The following PADI6 variants were observed in gnomAD, a reference collection of about 807,000 sequenced individuals.
PADI6 encodes peptidyl arginine deiminase 6.
PADI6 carries 66 observed loss-of-function variants against 78.2 expected under a neutral mutation model. The observed-to-expected ratio is 0.84, with a 90% CI of 0.69 to 1.04. PADI6 has a LOEUF of 1.04. Among genes scored for constraint, PADI6 ranks in the 50% least tolerant of loss-of-function variants. PADI6 has a pLI of 0.00. For missense variants in PADI6, 854 were observed against 866.1 expected (o/e 0.99, Z 0.18); for synonymous variants, 397 against 346.9 (o/e 1.14, Z -1.60).
intron 3 of PADI6, among the ~76,000 whole-genome samples, chr1:17,376,045 G>A (rs2075013025): frequency 6.6e-6 from 1 of 151,816 alleles, no homozygotes; most frequent in South Asian, 2.1e-4. Flanking sequence ...CATGATCTCG[G>A]CTCACTGTAA....
Position 17,394,385 on chromosome 1 carries a change from C to T in PADI6, c.1268C>T (p.Pro423Leu). 1 of 1,613,762 alleles carries T rather than the reference C, an allele frequency of 6.2e-7. No individual in the cohort carries two copies. The highest frequency in any genetic ancestry group is 8.5e-7 in the Non-Finnish European group (1 of 1,179,812). Residue 423 changes from proline (P) to leucine (L), a missense_variant, in exon 11 of 16, where the codon CCA becomes CTA. Coordinates refer to ENST00000619609, the MANE Select transcript of PADI6 (RefSeq NM_207421.4). ...MDSIGNLMVS[P>L]PVKVQGKEYP... ...TCCATTGGGAACCTGATGGTGTCCC[C>T]ACCTGTCAAGGTCCAAGGGAAAGAG... is the stretch of plus-strand genomic sequence containing the variant.
At chr1:17,376,039 AT>A (rs2075012976) in intron 3 of PADI6, among the ~76,000 whole-genome samples, 2 of 151,346 alleles carry the variant, frequency 1.3e-5, no homozygotes, top group Non-Finnish European at 2.9e-5. Flanking sequence ...CAGTGGCATG[AT>A]CTCGGCTCAC....
At position 17,397,100 on chromosome 1, in the gene PADI6, C is replaced by T; in HGVS notation, c.1648C>T (p.Leu550=). The change falls in exon 14 of 16, where the codon CTG becomes TTG. Residue 550 remains leucine (L), a synonymous_variant. Transcript: ENST00000619609. ...GREAKTIDQL[L]ADESLKKQNE... Reference sequence around the variant, plus strand: ...GGAAGCCAAAACCATCGACCAACTTCTGGCTGATGAAAGCCTGAAGAAGCA... The same window carrying T: ...GGAAGCCAAAACCATCGACCAACTTTTGGCTGATGAAAGCCTGAAGAAGCA... The T allele has an allele frequency of 6.2e-7, 1 of 1,613,956 alleles. No homozygotes were observed. The highest frequency in any genetic ancestry group is 8.5e-7 in the Non-Finnish European group (1 of 1,179,884).
rs377484719 is a variant in PADI6 at position 17,398,752 on chromosome 1, G to A, written c.1756G>A (p.Glu586Lys). ...ELGLVEQDII[E>K]IPQLFCLEKL... ...GGGCCTGGTGGAACAGGACATCATC[G>A]AGATTCCCCAGCTGTTCTGCTTGGA... Residue 586 changes from glutamate (E) to lysine (K), a missense_variant, in exon 15 of 16, where the codon GAG becomes AAG. By Grantham distance (56) the Glu-to-Lys change is moderately conservative. Transcript: ENST00000619609. 15 of 1,606,220 alleles carry A rather than the reference G, an allele frequency of 9.3e-6. No homozygotes were observed. The highest frequency in any genetic ancestry group is 2.2e-5 in the East Asian group (1 of 44,550).
chr1:17,373,660 T>C (rs1027747472), intron 2 of PADI6, among the ~76,000 whole-genome samples: 1 of 151,856 alleles, frequency 6.6e-6, no homozygotes, highest in African/African-American at 2.4e-5. Context: ...CCCGGCTAAT[T>C]TTGTATTTTT....
rs188669403 is a variant in PADI6 at position 17,381,884 on chromosome 1, G to C, written c.554-83G>C. 8 of 1,532,642 alleles carry C rather than the reference G, an allele frequency of 5.2e-6. No individual in the cohort carries two copies. The East Asian group carries it at 1.8e-4, about 35-fold the overall frequency. The allele number at this position is 1,532,642 out of a possible 1,614,324, so 94.9% of individuals were successfully genotyped here. A position where few individuals can be genotyped will look rare whatever the true frequency, so the allele number is the denominator to read the frequency against. Reference sequence around the variant, plus strand: ...TCCTTGGTGCTCTGTTCAAACTCCCGGCCCCTCTCTACTGCTCTTCCCTCC... The same window carrying C: ...TCCTTGGTGCTCTGTTCAAACTCCCCGCCCCTCTCTACTGCTCTTCCCTCC... On this transcript the variant is annotated intron_variant, in intron 5 of 15. Coordinates refer to ENST00000619609, the MANE Select transcript of PADI6 (RefSeq NM_207421.4).
intron 13 of PADI6, among the ~76,000 whole-genome samples, 195 bp downstream of exon 13, chr1:17,395,858 G>A (rs1361136878): frequency 6.6e-6 from 1 of 152,312 alleles, no homozygotes; most frequent in African/African-American, 2.4e-5. Flanking sequence ...AGATGTTCTG[G>A]GATGGCCTGG....
At chr1:17,389,232 C>T (rs2075158237) in intron 8 of PADI6, among the ~76,000 whole-genome samples, 1 of 152,152 alleles carries the variant, frequency 6.6e-6, no homozygotes, top group African/African-American at 2.4e-5. Flanking sequence ...AGGTGTGAGC[C>T]CAGGAAGGGG....
chr1:17,385,888 G>A (rs748006805), intron 6 of PADI6, among the ~76,000 whole-genome samples: 8 of 152,182 alleles, frequency 5.3e-5, no homozygotes, highest in African/African-American at 1.2e-4. Flanking sequence ...GTACATGGCA[G>A]GTAGGAAAAA....
intron 10 of PADI6, 103 bp downstream of exon 10, chr1:17,394,185 C>T: frequency 6.6e-7 from 1 of 1,503,768 alleles, no homozygotes; most frequent in South Asian, 1.2e-5. Flanking sequence ...CCCAGGTGGC[C>T]TCTGAGGGGG....
intron 13 of PADI6, among the ~76,000 whole-genome samples, chr1:17,396,724 CAGAA>C (rs1390196578): frequency 1.3e-5 from 2 of 152,202 alleles, no homozygotes; most frequent in African/African-American, 4.8e-5. Context: ...GGGTCACAGG[CAGAA>C]AGTGCCAGGT....
intron 2 of PADI6, 104 bp downstream of exon 2, chr1:17,373,337 C>T (rs988747711): frequency 3.0e-5 from 41 of 1,350,974 alleles, no homozygotes; most frequent in Non-Finnish European, 3.5e-5. Flanking sequence ...CTGGGAAACA[C>T]GTTGTTTTGC....
At chr1:17,388,067 G>A (rs77929242) in intron 6 of PADI6, among the ~76,000 whole-genome samples, 1,864 of 152,290 alleles carry the variant, frequency 0.012, 43 homozygotes, top group African/African-American at 0.042. Context: ...GGGCCAAAAT[G>A]TAGAACCACC....
chr1:17,386,205 C>CA (rs1462340651), intron 6 of PADI6, among the ~76,000 whole-genome samples: 2 of 152,156 alleles, frequency 1.3e-5, no homozygotes, highest in Non-Finnish European at 2.9e-5. Flanking sequence ...ATGGGGACAA[C>CA]AAATGCCTGC....
chr1:17,388,797 G>A lies in PADI6; in HGVS notation c.879G>A (p.Leu293=), dbSNP rs367811280. 1.3e-4 allele frequency: 207 copies of A among 1,613,704 alleles called. No individual in the cohort carries two copies. The African/African-American group carries it at 2.5e-3, about 20-fold the overall frequency. The change falls in exon 8 of 16, where the codon CTG becomes CTA. Residue 293 remains leucine, a synonymous_variant. Coordinates refer to ENST00000619609, the MANE Select transcript of PADI6 (RefSeq NM_207421.4). ...SQDPSIPETV[L]YKDTVVFRVA... is the part of the protein sequence containing the mutation. ...TGCAGTCAATTCCAGAGACTGTGCT[G>A]TACAAAGACACGGTGGTGTTCCGGG...
At chr1:17,388,902 T>G in intron 8 of PADI6, 22 bp downstream of exon 8, 1 of 1,593,190 alleles carries the variant, frequency 6.3e-7, no homozygotes, top group Non-Finnish European at 8.6e-7. Context: ...TCAGGCTGAC[T>G]GTGCCAGGCG....
Position 17,398,702 on chromosome 1 carries a change from A to T in PADI6, c.1706A>T (p.Asn569Ile). Residue 569 changes from asparagine to isoleucine, a missense_variant, in exon 15 of 16, where the codon AAC becomes ATC. Transcript: ENST00000619609. ...NEYVEKCIHL[N>I]RDILKTELGL... ...CACCCACAGAAGTGCATTCACCTGAACCGTGACATCCTGAAGACGGAGCTG... is the reference window on the plus strand; with the variant it reads ...CACCCACAGAAGTGCATTCACCTGATCCGTGACATCCTGAAGACGGAGCTG... 1 of 1,163,138 alleles carries T rather than the reference A, an allele frequency of 8.6e-7. No individual in the cohort carries two copies. Among genetic ancestry groups the T allele is most frequent in the South Asian group, 1.4e-5 (1 of 71,256 alleles). The allele number at this position is 1,163,138 out of a possible 1,614,324, so 72.1% of individuals were successfully genotyped here. A position where few individuals can be genotyped will look rare whatever the true frequency, so the allele number is the denominator to read the frequency against.
intron 2 of PADI6, among the ~76,000 whole-genome samples, chr1:17,374,253 G>T (rs1049049333): frequency 2.6e-5 from 4 of 152,052 alleles, no homozygotes; most frequent in Non-Finnish European, 5.9e-5. Context: ...CTGCAGAGGG[G>T]TAGGTACACA....
At chr1:17,380,132 C>A in intron 4 of PADI6, 145 bp downstream of exon 4, 1 of 719,840 alleles carries the variant, frequency 1.4e-6, no homozygotes, top group South Asian at 1.7e-5. Context: ...AGGGGTAAAC[C>A]AAACTGTCAC....
Sources: allele counts gnomAD v4.1 joint callset (sites outside exome capture counted in the v4.1 genomes callset), GRCh38; gene constraint gnomAD v4.1.1; transcripts MANE v1.5; gene names NCBI Gene and HGNC (gene_info 2026-07-23, HGNC 2026-07-21).